The following MAPK8 variants were observed in gnomAD, a reference collection of about 807,000 sequenced individuals.
MAPK8 encodes mitogen-activated protein kinase 8, also known as JUN N-terminal kinase.
Under a neutral mutation model 52.9 loss-of-function variants are expected in MAPK8, and 13 were observed. That is an observed-to-expected ratio of 0.25 (90% confidence interval 0.16 to 0.39). The LOEUF (loss-of-function observed/expected upper bound fraction) is 0.39, where lower values mean the gene tolerates loss of function less well. Ranked by LOEUF, MAPK8 falls within the 10% of genes least tolerant of loss-of-function variation. The pLI is 1.00. For synonymous variants in MAPK8, 191 were observed against 169.8 expected (o/e 1.12, Z -0.97); for missense variants, 300 against 519.2 (o/e 0.58, Z 4.10).
At chr10:48,380,114 C>T (rs945768699) in intron 1 of MAPK8, among the ~76,000 whole-genome samples, 1 of 152,010 alleles carries the variant, frequency 6.6e-6, no homozygotes, top group Non-Finnish European at 1.5e-5. Flanking sequence ...TGGTGGTGCG[C>T]ACCTGTAATC....
intron 1 of MAPK8, among the ~76,000 whole-genome samples, chr10:48,369,495 T>G (rs1042336867): frequency 6.6e-6 from 1 of 152,142 alleles, no homozygotes; most frequent in African/African-American, 2.4e-5. Flanking sequence ...GACATCTAAG[T>G]GGTAATGATT....
chr10:48,324,507 T>TC (rs1440231802), intron 1 of MAPK8, among the ~76,000 whole-genome samples: 2 of 149,048 alleles, frequency 1.3e-5, no homozygotes, highest in African/African-American at 5.0e-5. Context: ...TTTCTAGTTT[T>TC]TTTTTTTTTT....
intron 5 of MAPK8, among the ~76,000 whole-genome samples, chr10:48,411,616 A>G (rs1007673964): frequency 2.6e-5 from 4 of 152,202 alleles, no homozygotes; most frequent in African/African-American, 9.6e-5. Context: ...TTGTGATGCC[A>G]TATGAATTTG....
At chr10:48,425,419 T>C (rs971040836) in intron 7 of MAPK8, 1 of 442,484 alleles carries the variant, frequency 2.3e-6, no homozygotes, top group African/African-American at 2.0e-5. Flanking sequence ...TTATTTTTAT[T>C]ACAACTGATT....
intron 3 of MAPK8, among the ~76,000 whole-genome samples, chr10:48,409,077 T>C (rs75573802): frequency 1.6e-3 from 239 of 152,198 alleles, no homozygotes; most frequent in African/African-American, 5.5e-3. Context: ...GTTAAACATA[T>C]GAATTGTGTG....
chr10:48,417,549 G>C (rs549190019), intron 5 of MAPK8, among the ~76,000 whole-genome samples: 1 of 152,280 alleles, frequency 6.6e-6, no homozygotes, highest in South Asian at 2.1e-4. Flanking sequence ...TGTGGGTCAA[G>C]TTCAGGCTTG....
intron 1 of MAPK8, among the ~76,000 whole-genome samples, chr10:48,362,328 A>G (rs1483733775): frequency 6.6e-6 from 1 of 152,046 alleles, no homozygotes; most frequent in Non-Finnish European, 1.5e-5. Flanking sequence ...CCTCAAAGAT[A>G]TCTGTAGCAT....
chr10:48,412,680 TGTG>T (rs1447936189), intron 5 of MAPK8, among the ~76,000 whole-genome samples: 1 of 152,230 alleles, frequency 6.6e-6, no homozygotes, highest in African/African-American at 2.4e-5. Flanking sequence ...ACACTGAAAA[TGTG>T]GCTGCTTTCT....
intron 1 of MAPK8, among the ~76,000 whole-genome samples, chr10:48,394,403 C>G (rs1236649496): frequency 6.6e-6 from 1 of 151,710 alleles, no homozygotes; most frequent in African/African-American, 2.4e-5. Flanking sequence ...TATGACCAAG[C>G]GGGATTTATT....
At chr10:48,321,928 G>A (rs1171337703) in intron 1 of MAPK8, among the ~76,000 whole-genome samples, 2 of 152,186 alleles carry the variant, frequency 1.3e-5, no homozygotes, top group Non-Finnish European at 2.9e-5. Flanking sequence ...TCACATAGAT[G>A]TGTGAGTATA....
At chr10:48,330,201 C>T (rs1180729569) in intron 1 of MAPK8, among the ~76,000 whole-genome samples, 3 of 152,016 alleles carry the variant, frequency 2.0e-5, no homozygotes, top group African/African-American at 7.3e-5. Flanking sequence ...GAAATGTATT[C>T]TTAATAGAGA....
intron 6 of MAPK8, 91 bp downstream of exon 6, chr10:48,420,411 C>T (rs1298030815): frequency 1.6e-5 from 19 of 1,212,910 alleles, no homozygotes; most frequent in Admixed American, 2.4e-5. Flanking sequence ...AGCAGAAGTA[C>T]GTTGAGTTAA....
intron 1 of MAPK8, among the ~76,000 whole-genome samples, chr10:48,308,765 A>T (rs923152697): frequency 6.6e-6 from 1 of 152,202 alleles, no homozygotes; most frequent in African/African-American, 2.4e-5. Flanking sequence ...AAATATTTCT[A>T]ATATTTTAGA....
chr10:48,339,229 A>G (rs542061072), intron 1 of MAPK8, among the ~76,000 whole-genome samples: 4 of 152,350 alleles, frequency 2.6e-5, no homozygotes, highest in East Asian at 1.9e-4. Context: ...AATTGGTACA[A>G]AGATAGACAC....
intron 1 of MAPK8, among the ~76,000 whole-genome samples, chr10:48,373,693 T>C (rs988558617): frequency 6.9e-6 from 1 of 144,398 alleles, no homozygotes; most frequent in Non-Finnish European, 1.5e-5. Context: ...GAATGAAACA[T>C]GAAGAGCTAA....
At chr10:48,335,753 C>T (rs916900945) in intron 1 of MAPK8, among the ~76,000 whole-genome samples, 1 of 152,188 alleles carries the variant, frequency 6.6e-6, no homozygotes, top group Non-Finnish European at 1.5e-5. Context: ...AGCAACAGTG[C>T]TTATGTATAC....
At position 48,438,840 on chromosome 10, in the gene MAPK8, G is replaced by GT. The variant is rs1470612637; in HGVS notation, c.*3816dup. ...AATTGTGCTCGTTGACATTATTACT[G>GT]TTTTTGTAAGTAGAAACCTGCTCGT... On this transcript the variant is annotated 3_prime_UTR_variant, in exon 12 of 12. Transcript: ENST00000374189. 6.6e-6 allele frequency: 1 copy of GT among 152,158 alleles called. No individual in the cohort carries two copies. Among genetic ancestry groups the GT allele is most frequent in the South Asian group, 2.1e-4 (1 of 4,830 alleles). The allele number at this position is 152,158 out of a possible 1,614,324, so 9.4% of individuals were successfully genotyped here. A position where few individuals can be genotyped will look rare whatever the true frequency, so the allele number is the denominator to read the frequency against.
intron 1 of MAPK8, among the ~76,000 whole-genome samples, chr10:48,370,316 T>G (rs1242776161): frequency 6.6e-6 from 1 of 152,148 alleles, no homozygotes; most frequent in African/African-American, 2.4e-5. Flanking sequence ...CTAGTGCAAC[T>G]TGGGATTTTT....
At chr10:48,384,615 C>G (rs1018930877) in intron 1 of MAPK8, among the ~76,000 whole-genome samples, 3 of 152,158 alleles carry the variant, frequency 2.0e-5, no homozygotes, top group Non-Finnish European at 4.4e-5. Context: ...TGAAGGGTTA[C>G]CCCTAGGTTA....
Sources: allele counts gnomAD v4.1 joint callset (sites outside exome capture counted in the v4.1 genomes callset), GRCh38; gene constraint gnomAD v4.1.1; transcripts MANE v1.5; gene names NCBI Gene and HGNC (gene_info 2026-07-23, HGNC 2026-07-21).